Variants in ROBO2 observed in about 807,000 individuals in gnomAD.
ROBO2 encodes roundabout guidance receptor 2, also known as roundabout homolog 2.
ROBO2 carries 53 observed loss-of-function variants against 160.8 expected under a neutral mutation model. The ratio of observed to expected loss-of-function variants is 0.33; its 90% CI spans 0.26 to 0.41. The LOEUF (loss-of-function observed/expected upper bound fraction) is 0.41, where lower values mean the gene tolerates loss of function less well. Ranked by LOEUF, ROBO2 falls within the 10% of genes least tolerant of loss-of-function variation. The probability of loss-of-function intolerance (pLI) is 1.00; values close to 1 mark genes in which losing one functional copy is unlikely to be tolerated. For synonymous variants in ROBO2, 664 were observed against 611.7 expected (o/e 1.09, Z -1.26); for missense variants, 1,577 against 1,722.4 (o/e 0.92, Z 1.49).
intron 2 of ROBO2, among the ~76,000 whole-genome samples, chr3:76,337,758 C>T (rs142349935): frequency 0.033 from 4,981 of 152,220 alleles, 128 homozygotes; most frequent in Non-Finnish European, 0.044. Context: ...TTGTTTATTA[C>T]GTATACAGCA....
At chr3:77,583,349 G>A (rs1473312600) in intron 16 of ROBO2, among the ~76,000 whole-genome samples, 1 of 151,652 alleles carries the variant, frequency 6.6e-6, no homozygotes, top group Non-Finnish European at 1.5e-5. Context: ...TTCTGTCTGA[G>A]ATCACAGCCC....
At chr3:76,894,667 C>A (rs1433595527) in intron 2 of ROBO2, among the ~76,000 whole-genome samples, 2 of 152,066 alleles carry the variant, frequency 1.3e-5, no homozygotes, top group African/African-American at 4.8e-5. Context: ...AGTTGTAGGC[C>A]TCTCAATTGC....
intron 2 of ROBO2, among the ~76,000 whole-genome samples, chr3:76,554,270 A>T (rs1207438275): frequency 6.6e-6 from 1 of 152,204 alleles, no homozygotes; most frequent in East Asian, 1.9e-4. Flanking sequence ...AGAAAAATAA[A>T]TTATATACAC....
chr3:76,570,698 G>A (rs2084904168), intron 2 of ROBO2, among the ~76,000 whole-genome samples: 1 of 152,064 alleles, frequency 6.6e-6, no homozygotes, highest in African/African-American at 2.4e-5. Flanking sequence ...AGGTAATCTG[G>A]TTTAGAAACA....
At chr3:76,058,589 C>CTTTTTTTTTTTTTTTTTTTTTTTTTT (rs10676074) in intron 2 of ROBO2, among the ~76,000 whole-genome samples, 1 of 48,860 alleles carries the variant, frequency 2.0e-5, no homozygotes, top group Non-Finnish European at 3.4e-5. Flanking sequence ...ACAGCAGAAA[C>CTTTTTTTTTTTTTTTTTTTTTTTTTT]TTTTTTTTTT....
intron 2 of ROBO2, among the ~76,000 whole-genome samples, chr3:76,698,416 G>C (rs1377924364): frequency 6.6e-6 from 1 of 152,164 alleles, no homozygotes; most frequent in African/African-American, 2.4e-5. Context: ...GTCTCTGGAA[G>C]GGGGTGGGGG....
intron 2 of ROBO2, among the ~76,000 whole-genome samples, chr3:76,773,488 A>G (rs1018895866): frequency 1.3e-5 from 2 of 150,832 alleles, no homozygotes; most frequent in African/African-American, 4.8e-5. Context: ...CTGCTTCTTC[A>G]TTAACATATG....
chr3:76,497,938 A>G (rs1188731186), intron 2 of ROBO2, among the ~76,000 whole-genome samples: 1 of 152,176 alleles, frequency 6.6e-6, no homozygotes, highest in African/African-American at 2.4e-5. Context: ...AGCCTCTGCA[A>G]TCACATAAGC....
At chr3:77,147,062 T>C (rs1356834742) in intron 2 of ROBO2, among the ~76,000 whole-genome samples, 4 of 152,230 alleles carry the variant, frequency 2.6e-5, no homozygotes, top group African/African-American at 9.6e-5. Context: ...AATATGCACC[T>C]GTTTATGGTA....
intron 2 of ROBO2, among the ~76,000 whole-genome samples, chr3:75,987,600 T>C (rs2065450392): frequency 6.6e-6 from 1 of 151,990 alleles, no homozygotes; most frequent in South Asian, 2.1e-4. Flanking sequence ...TGAATACAAG[T>C]AGCAATGTAT....
intron 1 of ROBO2, among the ~76,000 whole-genome samples, chr3:75,912,989 C>G (rs1373685028): frequency 6.6e-6 from 1 of 152,126 alleles, no homozygotes; most frequent in Non-Finnish European, 1.5e-5. Context: ...TATTTATTGT[C>G]TTACAGTTTC....
At chr3:77,123,842 AATCT>A (rs1433598666) in intron 2 of ROBO2, among the ~76,000 whole-genome samples, 13 of 149,392 alleles carry the variant, frequency 8.7e-5, no homozygotes, top group East Asian at 3.9e-4. Context: ...ATAGATATAT[AATCT>A]ATCTATATAG....
Position 76,073,230 on chromosome 3 carries a change from A to G in ROBO2, c.109+135628A>G, listed in dbSNP as rs111696738. On this transcript the variant is annotated intron_variant, in intron 2 of 26. Transcript: ENST00000487694. ...TTTAATTTCTTTAAACACTTAATTA[A>G]GCCTAACTGATTTGTAAACTTCTCA... 2.2e-3 allele frequency among the ~76,000 whole-genome samples: 319 copies of G among 142,176 alleles called. 4 individuals carry two copies. Among genetic ancestry groups the G allele is most frequent in the African/African-American group, 8.2e-3 (311 of 37,978 alleles). The allele number at this position is 142,176 out of a possible 152,430, so 93.3% of individuals were successfully genotyped here.
chr3:76,211,199 T>G lies in ROBO2; in HGVS notation c.109+273597T>G, dbSNP rs1703125918. Among the ~76,000 whole-genome samples the G allele has an allele frequency of 2.0e-5, 3 of 152,060 alleles. No homozygotes were observed. In the South Asian group the frequency reaches 6.2e-4, roughly 31 times the overall value. On this transcript the variant is annotated intron_variant, in intron 2 of 26. Coordinates refer to the ROBO2 transcript ENST00000487694. ...GAGCCATACTTACCCTTGCAACTTC[T>G]CCCTTTCTGTACAATTTTCCATTTC... is the stretch of plus-strand genomic sequence containing the variant.
chr3:77,038,536 C>T (rs1370277587), upstream of ROBO2, among the ~76,000 whole-genome samples: 1 of 152,136 alleles, frequency 6.6e-6, no homozygotes, highest in Non-Finnish European at 1.5e-5. Context: ...CCTCAGACGG[C>T]CCCTTCTGGA....
intron 2 of ROBO2, among the ~76,000 whole-genome samples, chr3:76,957,431 G>C (rs1037939589): frequency 1.3e-5 from 2 of 152,052 alleles, no homozygotes; most frequent in South Asian, 4.1e-4. Flanking sequence ...TTAGATTGAC[G>C]CTATCTTACA....
intron 2 of ROBO2, among the ~76,000 whole-genome samples, chr3:76,976,032 A>C (rs1445364074): frequency 6.6e-6 from 1 of 152,202 alleles, no homozygotes; most frequent in Non-Finnish European, 1.5e-5. Flanking sequence ...TTAAACTCTG[A>C]AAATAAACTC....
intron 2 of ROBO2, among the ~76,000 whole-genome samples, chr3:77,447,535 T>G (rs13433807): frequency 0.69 from 104,582 of 151,982 alleles, 37,170 homozygotes; most frequent in African/African-American, 0.87. Flanking sequence ...TGTGCTTGAG[T>G]AATATCTCTG....
chr3:77,362,440 T>G (rs1363072109), intron 2 of ROBO2, among the ~76,000 whole-genome samples: 1 of 152,084 alleles, frequency 6.6e-6, no homozygotes, highest in Admixed American at 6.6e-5. Flanking sequence ...TTAGGTATCA[T>G]CTGGGGGATG....
Sources: gnomAD v4.1 joint callset for allele counts (sites outside exome capture counted in the v4.1 genomes callset) on GRCh38, gnomAD v4.1.1 for gene constraint, MANE v1.5 for transcripts, NCBI Gene and HGNC (gene_info 2026-07-23, HGNC 2026-07-21) for gene names.